Variants in DPH6 observed in about 807,000 individuals in gnomAD.
DPH6 encodes diphthine--ammonia ligase.
In DPH6, 33 loss-of-function variants were observed where a neutral mutation model predicts 38.2. The ratio of observed to expected loss-of-function variants is 0.86; its 90% CI spans 0.65 to 1.15. DPH6 has a LOEUF of 1.15. DPH6 is among the 50% of genes most tolerant of loss of function. The probability of loss-of-function intolerance (pLI) is 0.00; values close to 1 mark genes in which losing one functional copy is unlikely to be tolerated. For synonymous variants in DPH6, 108 were observed against 103.0 expected (o/e 1.05, Z -0.30); for missense variants, 325 against 320.0 (o/e 1.02, Z -0.12).
rs1219801000 is a variant in DPH6 at position 35,388,817 on chromosome 15, AG to A, written c.568-6902del. 2.6e-5 allele frequency among the ~76,000 whole-genome samples: 4 copies of A among 152,110 alleles called. No individual in the cohort carries two copies. The East Asian group carries it at 7.7e-4, about 29-fold the overall frequency. ...GCTCCTGGATTCACTGATTTTTTGA[AG>A]GGTTTTTTGTGTCTCTATTTCCTTC... On this transcript the variant is annotated intron_variant, in intron 6 of 8. Coordinates refer to ENST00000256538, the MANE Select transcript of DPH6 (RefSeq NM_080650.4).
At chr15:35,293,552 C>A (rs918264672) in intron 3 of DPH6, among the ~76,000 whole-genome samples, 2 of 152,198 alleles carry the variant, frequency 1.3e-5, no homozygotes, top group Non-Finnish European at 2.9e-5. Flanking sequence ...AAAACGCTGA[C>A]CAGTGCCCTC....
chr15:35,479,455 A>G (rs1236726990), intron 3 of DPH6, among the ~76,000 whole-genome samples: 3 of 152,132 alleles, frequency 2.0e-5, no homozygotes, highest in Non-Finnish European at 4.4e-5. Flanking sequence ...TGCTACAAGC[A>G]GCAACATGTA....
intron 5 of DPH6, among the ~76,000 whole-genome samples, chr15:35,436,887 C>T (rs981130636): frequency 1.3e-5 from 2 of 151,654 alleles, no homozygotes; most frequent in Non-Finnish European, 2.9e-5. Context: ...GACTCAATTC[C>T]ACAGCTTCTC....
intron 3 of DPH6, among the ~76,000 whole-genome samples, chr15:35,304,252 A>T (rs964444567): frequency 6.6e-6 from 1 of 152,158 alleles, no homozygotes; most frequent in Non-Finnish European, 1.5e-5. Flanking sequence ...TATATTACAG[A>T]TTCCTGACTA....
the DPH6 span, among the ~76,000 whole-genome samples, chr15:35,158,359 T>C: frequency 6.6e-6 from 1 of 152,082 alleles, no homozygotes; most frequent in African/African-American, 2.4e-5. Context: ...AAAATTACAT[T>C]TGCTAATGGT....
intron 3 of DPH6, chr15:35,238,129 C>G (rs528921985): frequency 8.5e-7 from 1 of 1,179,714 alleles, no homozygotes; most frequent in Non-Finnish European, 1.3e-6. Flanking sequence ...TCCCCTCCCC[C>G]GCTCCAATCC....
At chr15:35,257,405 T>A (rs539963236) in intron 3 of DPH6, among the ~76,000 whole-genome samples, 32 of 152,272 alleles carry the variant, frequency 2.1e-4, no homozygotes, top group African/African-American at 7.5e-4. Flanking sequence ...GTTTCCATAC[T>A]CATGAATGAG....
chr15:35,364,195 T>C (rs898220422), intron 3 of DPH6, among the ~76,000 whole-genome samples: 2 of 152,054 alleles, frequency 1.3e-5, no homozygotes, highest in African/African-American at 4.8e-5. Context: ...TTCATGTTTT[T>C]TCCCAACATA....
intron 3 of DPH6, among the ~76,000 whole-genome samples, chr15:35,354,388 G>C (rs979577982): frequency 6.6e-6 from 1 of 152,142 alleles, no homozygotes; most frequent in African/African-American, 2.4e-5. Context: ...TCCAGTTTTT[G>C]CCCATTCAGT....
chr15:35,516,950 A>G (rs1316558437), intron 3 of DPH6, among the ~76,000 whole-genome samples: 2 of 152,114 alleles, frequency 1.3e-5, no homozygotes, highest in East Asian at 1.9e-4. Context: ...TTTTTAATGT[A>G]TATTATTCAA....
At chr15:35,473,957 T>TGTGCGCGC (rs1480867662) in intron 3 of DPH6, among the ~76,000 whole-genome samples, 1 of 38,424 alleles carries the variant, frequency 2.6e-5, no homozygotes, top group African/African-American at 3.5e-5. Context: ...TGTGTGTGTG[T>TGTGCGCGC]GCGCGCGCGC....
At chr15:35,298,961 T>G (rs2052034429) in intron 3 of DPH6, 1 of 771,794 alleles carries the variant, frequency 1.3e-6, no homozygotes, top group East Asian at 2.4e-5. Flanking sequence ...TCCTCTTCTC[T>G]CGCTCCTAAT....
intron 4 of DPH6, 34 bp from the exon 5 acceptor site, chr15:35,450,837 T>C: frequency 1.3e-6 from 2 of 1,512,360 alleles, no homozygotes; most frequent in Non-Finnish European, 1.8e-6. Flanking sequence ...AGTCAGATGA[T>C]CTCTTAATGT....
chr15:35,447,434 C>T (rs990351641), intron 5 of DPH6, among the ~76,000 whole-genome samples: 1 of 151,126 alleles, frequency 6.6e-6, no homozygotes, highest in African/African-American at 2.4e-5. Flanking sequence ...ATCTCTTATA[C>T]GTCCCCCCCC....
At chr15:35,400,619 T>G (rs2053204723) in intron 6 of DPH6, 1 of 490,940 alleles carries the variant, frequency 2.0e-6, no homozygotes, top group Admixed American at 3.2e-5. Context: ...TTTAAAATAT[T>G]ACAAAATTAG....
chr15:35,473,913 AGTGT>A (rs58549209), intron 3 of DPH6, among the ~76,000 whole-genome samples: 1,846 of 126,810 alleles, frequency 0.015, 26 homozygotes, highest in African/African-American at 0.036. Context: ...CACTGTGCAC[AGTGT>A]GTGTGTGTGT....
chr15:35,298,209 AG>A (rs1319479924), intron 3 of DPH6: 1 of 474,960 alleles, frequency 2.1e-6, no homozygotes, highest in Non-Finnish European at 4.1e-6. Context: ...AGTTCATTTA[AG>A]GATCACCGGA....
intron 3 of DPH6, among the ~76,000 whole-genome samples, chr15:35,240,868 C>G (rs1302295833): frequency 7.0e-6 from 1 of 143,382 alleles, no homozygotes; most frequent in African/African-American, 2.5e-5. Context: ...TCAAACCCCA[C>G]AACAGGATTT....
At chr15:35,513,586 G>A (rs1029678214) in intron 3 of DPH6, among the ~76,000 whole-genome samples, 13 of 151,904 alleles carry the variant, frequency 8.6e-5, no homozygotes, top group Admixed American at 2.6e-4. Context: ...AAATAACTGC[G>A]GTAAATAATT....
Sources: gnomAD v4.1 joint callset for allele counts (sites outside exome capture counted in the v4.1 genomes callset) on GRCh38, gnomAD v4.1.1 for gene constraint, MANE v1.5 for transcripts, NCBI Gene and HGNC (gene_info 2026-07-23, HGNC 2026-07-21) for gene names.